Variants in AP3B1 observed in about 807,000 individuals in gnomAD.
AP3B1 encodes the protein AP-3 complex subunit beta-1.
In AP3B1, 61 loss-of-function variants were observed where a neutral mutation model predicts 132.5. The ratio of observed to expected loss-of-function variants is 0.46; its 90% CI spans 0.37 to 0.57. The LOEUF is 0.57. Among genes scored for constraint, AP3B1 ranks in the 20% least tolerant of loss-of-function variants. The probability of loss-of-function intolerance (pLI) is 0.00; values close to 1 mark genes in which losing one functional copy is unlikely to be tolerated. For synonymous variants in AP3B1, 388 were observed against 438.3 expected, an observed-to-expected ratio of 0.89 and a Z score of 1.43; for missense variants, 1,120 against 1,289.4, an observed-to-expected ratio of 0.87 and a Z score of 2.01.
intron 17 of AP3B1, among the ~76,000 whole-genome samples, chr5:78,119,085 G>A (rs990745480): frequency 1.3e-5 from 2 of 152,226 alleles, no homozygotes; most frequent in African/African-American, 2.4e-5. Context: ...AACAGGGTCT[G>A]GAGTTGACCT....
At chr5:78,233,379 G>A (rs983412712) in intron 3 of AP3B1, among the ~76,000 whole-genome samples, 12 of 151,882 alleles carry the variant, frequency 7.9e-5, no homozygotes, top group Admixed American at 3.3e-4. Context: ...GATTACAGGC[G>A]CATGCCACCA....
chr5:78,156,200 T>C, intron 14 of AP3B1, 58 bp downstream of exon 14: 2 of 1,283,296 alleles, frequency 1.6e-6, no homozygotes, highest in Admixed American at 1.7e-5. Context: ...CCATTTATTT[T>C]AACAAAATTA....
intron 7 of AP3B1, among the ~76,000 whole-genome samples, chr5:78,197,592 T>G (rs1178352603): frequency 1.3e-5 from 2 of 152,152 alleles, no homozygotes; most frequent in Non-Finnish European, 2.9e-5. Context: ...TTTTGGGTGC[T>G]GAGGGTAATA....
rs148329778 is a variant in AP3B1, at chr5:78,078,943, C to A, written c.2577+10450G>T. On this transcript the variant is annotated intron_variant, in intron 22 of 26. Coordinates refer to ENST00000255194, the MANE Select transcript of AP3B1 (RefSeq NM_003664.5). ...ATGAACAACATAAACATTAGGGGAACATGTGTTGTTACCTGCCTTACAGAT... is the reference window on the plus strand; with the variant it reads ...ATGAACAACATAAACATTAGGGGAAAATGTGTTGTTACCTGCCTTACAGAT... Among the ~76,000 whole-genome samples, 106 of 152,324 alleles carry A rather than the reference C, an allele frequency of 7.0e-4. No individual in the cohort carries two copies. The South Asian group carries it at 7.0e-3, about 10-fold the overall frequency.
intron 22 of AP3B1, among the ~76,000 whole-genome samples, chr5:78,075,416 T>C (rs1749727134): frequency 6.6e-6 from 1 of 152,182 alleles, no homozygotes; most frequent in Non-Finnish European, 1.5e-5. Context: ...GTGACTTCCA[T>C]ACCAAAACAA....
At chr5:78,277,637 GA>G (rs1748840190) in intron 1 of AP3B1, among the ~76,000 whole-genome samples, 1 of 152,016 alleles carries the variant, frequency 6.6e-6, no homozygotes, top group African/African-American at 2.4e-5. Context: ...TGGCTATAAA[GA>G]ATCCAAAAGA....
intron 14 of AP3B1, among the ~76,000 whole-genome samples, chr5:78,141,690 C>T (rs1293047543): frequency 2.0e-5 from 3 of 152,088 alleles, no homozygotes; most frequent in African/African-American, 4.8e-5. Context: ...CAGTGAAGAC[C>T]ATATGGTCCT....
intron 21 of AP3B1, among the ~76,000 whole-genome samples, chr5:78,099,028 G>C (rs980445014): frequency 3.3e-5 from 5 of 152,148 alleles, no homozygotes; most frequent in African/African-American, 7.2e-5. Flanking sequence ...AGGTAATTAG[G>C]TTATAGGGGT....
chr5:78,086,854 T>C (rs79613804), intron 22 of AP3B1, among the ~76,000 whole-genome samples: 8 of 152,314 alleles, frequency 5.3e-5, no homozygotes, highest in Admixed American at 1.3e-4. Context: ...GTTTTTTTTT[T>C]CTTTGGCAAG....
intron 7 of AP3B1, among the ~76,000 whole-genome samples, chr5:78,208,972 T>G (rs1039317863): frequency 3.3e-5 from 5 of 151,914 alleles, no homozygotes; most frequent in Admixed American, 6.6e-5. Flanking sequence ...AGCAGAAGCA[T>G]AAGGTAATAG....
chr5:78,162,693 G>A (rs890061247), intron 13 of AP3B1, 126 bp downstream of exon 13: 1 of 975,850 alleles, frequency 1.0e-6, no homozygotes, highest in Non-Finnish European at 1.6e-6. Context: ...GCTACTTATT[G>A]TGACCATACT....
At chr5:78,229,680 AGT>A (rs1225304091) in intron 3 of AP3B1, among the ~76,000 whole-genome samples, 4 of 152,084 alleles carry the variant, frequency 2.6e-5, no homozygotes, top group African/African-American at 9.7e-5. Context: ...TCGAAGCTGC[AGT>A]GAGGCAGGAT....
At chr5:78,150,300 C>T (rs1007336275) in intron 14 of AP3B1, among the ~76,000 whole-genome samples, 6 of 152,062 alleles carry the variant, frequency 3.9e-5, no homozygotes, top group African/African-American at 1.4e-4. Context: ...ATCACAGAAG[C>T]CATGAGGAGA....
chr5:78,130,098 A>T (rs1422439262), intron 15 of AP3B1, among the ~76,000 whole-genome samples: 1 of 152,154 alleles, frequency 6.6e-6, no homozygotes, highest in Non-Finnish European at 1.5e-5. Context: ...ATATTGAAAT[A>T]ATTTTAATAA....
At position 78,110,308 on chromosome 5, in the gene AP3B1, C is replaced by G. The variant is rs1176398569; in HGVS notation, c.2296G>C (p.Asp766His). ...GAACTAGATTCGTCATTTGAAGAAT[C>G]TGAAGTTTTAGATTTTTCATTTTCC... ...EKENEKSKTS[D>H]SSNDESSSIE... The change falls in exon 20 of 27, where the codon GAT becomes CAT. Residue 766 changes from aspartate to histidine, a missense_variant. Around this residue, in one of 3 missense-constraint regions of AP3B1, gnomAD observed 906 missense variants for 997.1 expected, o/e 0.91. Transcript: ENST00000255194. 1.2e-6 allele frequency: 2 copies of G among 1,609,888 alleles called. No individual in the cohort carries two copies. Among genetic ancestry groups the G allele is most frequent in the Non-Finnish European group, 1.7e-6 (2 of 1,177,378 alleles).
chr5:78,190,249 GA>G (rs1384104318), intron 7 of AP3B1, among the ~76,000 whole-genome samples: 15 of 152,096 alleles, frequency 9.9e-5, no homozygotes, highest in Middle Eastern at 6.8e-3. Context: ...TACTTTTTAT[GA>G]AATTTCAGTT....
intron 17 of AP3B1, chr5:78,122,011 C>T (rs1297799667): frequency 2.0e-5 from 3 of 152,196 alleles, no homozygotes; most frequent in African/African-American, 7.2e-5. Flanking sequence ...ATCAAGTGGG[C>T]TTCATCCCTG....
intron 14 of AP3B1, among the ~76,000 whole-genome samples, chr5:78,144,799 T>C (rs1044576430): frequency 4.6e-5 from 7 of 152,136 alleles, no homozygotes; most frequent in African/African-American, 1.7e-4. Flanking sequence ...TGAAATCCTG[T>C]CAGAGCAATC....
chr5:78,182,670 T>C (rs757948519), intron 7 of AP3B1, among the ~76,000 whole-genome samples: 1 of 152,134 alleles, frequency 6.6e-6, no homozygotes, highest in Non-Finnish European at 1.5e-5. Flanking sequence ...AGGGGCAGTC[T>C]AGCAAGATAT....
Sources: allele counts gnomAD v4.1 joint callset (sites outside exome capture counted in the v4.1 genomes callset), GRCh38; gene constraint gnomAD v4.1.1; regional missense constraint gnomAD v4.1.1; transcripts MANE v1.5; gene names NCBI Gene and HGNC (gene_info 2026-07-23, HGNC 2026-07-21).